The following LIME1 variants were observed in gnomAD, a reference collection of about 807,000 sequenced individuals.
The protein encoded by LIME1 is lck-interacting transmembrane adapter 1.
LIME1 carries 23 observed loss-of-function variants against 18.8 expected under a neutral mutation model. The ratio of observed to expected loss-of-function variants is 1.22; its 90% confidence interval spans 0.88 to 1.73. The LOEUF (loss-of-function observed/expected upper bound fraction) is 1.73, where lower values mean the gene tolerates loss of function less well. Ranked by LOEUF, LIME1 falls within the 40% of genes most tolerant of loss-of-function variation. LIME1 has a pLI of 0.00. For missense variants in LIME1, 423 were observed against 396.8 expected (o/e 1.07, Z -0.56); for synonymous variants, 177 against 182.3 (o/e 0.97, Z 0.23).
At chr20:63,737,394 C>G (rs2092002459) in intron 1 of LIME1, 139 bp from the exon 2 acceptor site, 1 of 1,353,840 alleles carries the variant, frequency 7.4e-7, no homozygotes, top group Non-Finnish European at 9.5e-7. Context: ...ACTGCCAGGC[C>G]TTGGGGCTTC....
upstream of LIME1, chr20:63,735,749 G>A (rs554898048): frequency 1.3e-6 from 2 of 1,568,704 alleles, no homozygotes; most frequent in East Asian, 2.4e-5. Flanking sequence ...CATGGCCCAG[G>A]ACCCCACGCT....
chr20:63,737,237 G>T, intron 1 of LIME1: 2 of 1,156,400 alleles, frequency 1.7e-6, no homozygotes, highest in Non-Finnish European at 2.1e-6. Context: ...TCTGGGCTAT[G>T]GTGGCCACAG....
Position 63,738,028 on chromosome 20 carries a change from A to C in LIME1, c.236A>C (p.His79Pro). The C allele has an allele frequency of 6.4e-7, 1 of 1,561,076 alleles. No homozygotes were observed. Among genetic ancestry groups the C allele is most frequent in the Non-Finnish European group, 8.6e-7 (1 of 1,158,026 alleles). The change falls in exon 4 of 6, where the codon CAC becomes CCC. Residue 79 changes from histidine to proline, a missense_variant. Coordinates refer to ENST00000309546, the MANE Select transcript of LIME1 (RefSeq NM_017806.4). Reference sequence around the variant, plus strand: ...CTCAGCAAGTCGGACACCAGACTGCACGAGCTGCACCGGGGCCCGCGCAGC... The same window carrying C: ...CTCAGCAAGTCGGACACCAGACTGCCCGAGCTGCACCGGGGCCCGCGCAGC... Reference protein sequence around the residue: ...CSLSKSDTRLHELHRGPRSSR... With the variant: ...CSLSKSDTRLPELHRGPRSSR...
chr20:63,738,573 C>T (rs1257292570), intron 5 of LIME1, 25 bp from the exon 6 acceptor site: 1 of 1,534,486 alleles, frequency 6.5e-7, no homozygotes, highest in East Asian at 2.3e-5. Context: ...GCTGACCCCT[C>T]CTCGGGTTGG....
At chr20:63,736,890 G>A (rs992385714) in intron 1 of LIME1, 178 bp downstream of exon 1, 4 of 986,034 alleles carry the variant, frequency 4.1e-6, no homozygotes, top group Non-Finnish European at 4.8e-6. Flanking sequence ...CTGTTTGTAA[G>A]GCATCCCCCA....
rs2092025651 is a variant in LIME1 at position 63,738,975 on chromosome 20, G to C, written c.*75G>C. 2 of 1,354,636 alleles carry C rather than the reference G, an allele frequency of 1.5e-6. No homozygotes were observed. Among genetic ancestry groups the C allele is most frequent in the African/African-American group, 3.0e-5 (2 of 67,616 alleles). The allele number at this position is 1,354,636 out of a possible 1,614,324, so 83.9% of individuals were successfully genotyped here. On this transcript the variant is annotated 3_prime_UTR_variant, in exon 6 of 6. Coordinates refer to ENST00000309546, the MANE Select transcript of LIME1 (RefSeq NM_017806.4). ...CCCGCCCCGCCTCACAGCTGACAGC[G>C]CCAGTCCCAGGTCCCCGGGCTGCCA...
At chr20:63,737,719 C>A in intron 2 of LIME1, 72 bp downstream of exon 2, 1 of 1,450,666 alleles carries the variant, frequency 6.9e-7, no homozygotes, top group African/African-American at 1.5e-5. Context: ...CGGGAAGGGG[C>A]TGGAGGCAGG....
At chr20:63,735,719 C>T (rs796446334), upstream of LIME1, 15 of 1,551,702 alleles carry the variant, frequency 9.7e-6, no homozygotes, top group East Asian at 4.8e-5. Context: ...GCAGTGGGTA[C>T]GGCAGACTGG....
chr20:63,735,984 T>C, upstream of LIME1: 1 of 1,562,224 alleles, frequency 6.4e-7, no homozygotes, highest in Non-Finnish European at 8.7e-7. Context: ...GGAAGACCAG[T>C]GTTGCCCGAG....
chr20:63,738,503 A>G lies in LIME1; in HGVS notation c.585+4A>G. 1 of 1,513,930 alleles carries G rather than the reference A, an allele frequency of 6.6e-7. No individual in the cohort carries two copies. The highest frequency in any genetic ancestry group is 8.8e-7 in the Non-Finnish European group (1 of 1,131,392). The allele number at this position is 1,513,930 out of a possible 1,614,324, so 93.8% of individuals were successfully genotyped here. On this transcript the variant is annotated splice_donor_region_variant and intron_variant, in intron 5 of 5. Coordinates refer to ENST00000309546, the MANE Select transcript of LIME1 (RefSeq NM_017806.4). ...TGAGGTGACCCCGGCCGCTCAGGTA[A>G]CGTGGGCCAGGGTAGGGCGCTGTGG...
rs374141432 is a variant in LIME1 at position 63,738,882 on chromosome 20, C to G, written c.870C>G (p.Leu290=). The change falls in exon 6 of 6, where the codon CTC becomes CTG. Residue 290 remains leucine (L), a synonymous_variant. Transcript: ENST00000309546. ...GCCTAGGGAGGGGCTGGAGACCCCT[C>G]CCTGCCTCCCTGCCCTGAACACTCA... ...CPSLGRGWRP[L]PASLP 2 of 1,604,394 alleles carry G rather than the reference C, an allele frequency of 1.2e-6. No individual in the cohort carries two copies. The highest frequency in any genetic ancestry group is 1.7e-5 in the Admixed American group (1 of 59,032).
upstream of LIME1, chr20:63,735,776 C>T (rs371508892): frequency 8.0e-5 from 128 of 1,594,078 alleles, no homozygotes; most frequent in South Asian, 5.1e-4. Context: ...TGAGCCCCTC[C>T]GCAGGCATAG....
At chr20:63,737,085 G>C in intron 1 of LIME1, 3 of 988,652 alleles carry the variant, frequency 3.0e-6, no homozygotes, top group Non-Finnish European at 3.6e-6. Flanking sequence ...CCAGCCTCCA[G>C]CTCTTCCCAG....
intron 1 of LIME1, chr20:63,737,288 G>A: frequency 1.6e-6 from 2 of 1,249,240 alleles, no homozygotes; most frequent in Non-Finnish European, 2.0e-6. Flanking sequence ...GTGTTACCGT[G>A]GTCACCCGCA....
upstream of LIME1, chr20:63,736,556 A>C: frequency 1.1e-6 from 1 of 936,972 alleles, no homozygotes; most frequent in Non-Finnish European, 1.3e-6. Context: ...CAGGTGGGTG[A>C]GGCTGCGGTG....
chr20:63,737,061 G>T, intron 1 of LIME1: 2 of 987,326 alleles, frequency 2.0e-6, no homozygotes, highest in Non-Finnish European at 2.4e-6. Flanking sequence ...CGGGTGCAGG[G>T]TCCCTCCTGC....
In LIME1 at chr20:63,737,561, A is replaced by G. The variant is rs2092004956; in HGVS notation, c.12A>G (p.Pro4=). MGL[P]VSWAPPALWV... Reference sequence around the variant, plus strand: ...CTCGGCTTCACAGGATGGGGCTGCCAGTGTCCTGGGCCCCTCCTGCCCTCT... The same window carrying G: ...CTCGGCTTCACAGGATGGGGCTGCCGGTGTCCTGGGCCCCTCCTGCCCTCT... The change falls in exon 2 of 6, where the codon CCA becomes CCG. Residue 4 remains proline, a synonymous_variant. Coordinates refer to ENST00000309546, the MANE Select transcript of LIME1 (RefSeq NM_017806.4). 2 of 1,587,480 alleles carry G rather than the reference A, an allele frequency of 1.3e-6. No individual in the cohort carries two copies. Among genetic ancestry groups the G allele is most frequent in the Admixed American group, 1.8e-5 (1 of 56,608 alleles).
upstream of LIME1, chr20:63,735,986 T>C: frequency 1.9e-6 from 3 of 1,559,488 alleles, no homozygotes; most frequent in South Asian, 3.6e-5. Context: ...AAGACCAGTG[T>C]TGCCCGAGGA....
intron 1 of LIME1, chr20:63,737,202 G>C: frequency 9.4e-7 from 1 of 1,068,880 alleles, no homozygotes; most frequent in Non-Finnish European, 1.1e-6. Context: ...CGCACACCCA[G>C]GGGCTCCCCC....
Sources: allele counts gnomAD v4.1 joint callset, GRCh38; gene constraint gnomAD v4.1.1; transcripts MANE v1.5; gene names NCBI Gene and HGNC (gene_info 2026-07-23, HGNC 2026-07-21).